DLG1: variants seen among roughly 807,000 people sequenced by gnomAD.
DLG1 encodes discs large MAGUK scaffold protein 1, also known as disks large homolog 1.
In DLG1, 42 loss-of-function variants were observed where a neutral mutation model predicts 123.4. That is an observed-to-expected ratio of 0.34 (90% CI 0.27 to 0.44). The LOEUF (loss-of-function observed/expected upper bound fraction) is 0.44. Ranked by LOEUF, DLG1 falls within the 20% of genes least tolerant of loss-of-function variation. The pLI, the probability that DLG1 is intolerant of heterozygous loss-of-function variation, is 1.00. For synonymous variants in DLG1, 317 were observed against 356.2 expected (o/e 0.89, Z 1.24); for missense variants, 942 against 1,082.6 (o/e 0.87, Z 1.82).
At position 197,127,476 on chromosome 3, in the gene DLG1, ATATATATATATATATATAT is replaced by A. The variant is rs1445121249; in HGVS notation, c.1165+3032_1165+3050del. 8.0e-4 allele frequency among the ~76,000 whole-genome samples: 92 copies of A among 114,832 alleles called. 4 individuals carry two copies. The highest frequency in any genetic ancestry group is 4.0e-3 in the Middle Eastern group (1 of 252). The allele number at this position is 114,832 out of a possible 152,430, so 75.3% of individuals were successfully genotyped here. A position where few individuals can be genotyped will look rare whatever the true frequency, so the allele number is the denominator to read the frequency against. On this transcript the variant is annotated intron_variant, in intron 11 of 24. Transcript: ENST00000667157. ...AAAAAAAATATATATATATATATAT[ATATATATATATATATATAT>A]AAAGTAAGAAACCTAAAAATACGTA...
chr3:197,292,735 T>C (rs566085435), intron 3 of DLG1, among the ~76,000 whole-genome samples: 24 of 152,362 alleles, frequency 1.6e-4, no homozygotes, highest in African/African-American at 5.8e-4. Context: ...TATTATTACA[T>C]AATCCACTTT....
intron 4 of DLG1, among the ~76,000 whole-genome samples, chr3:197,234,608 G>A (rs1744983554): frequency 6.6e-6 from 1 of 152,106 alleles, no homozygotes; most frequent in African/African-American, 2.4e-5. Context: ...CTAAAATTTT[G>A]CCTTTTAGCA....
At chr3:197,194,363 A>G in intron 5 of DLG1, 62 bp downstream of exon 5, 4 of 1,109,110 alleles carry the variant, frequency 3.6e-6, no homozygotes, top group Non-Finnish European at 4.8e-6. Context: ...TCCGAGCATG[A>G]GCTATATGTA....
intron 4 of DLG1, among the ~76,000 whole-genome samples, chr3:197,200,956 T>C (rs1725334914): frequency 6.6e-6 from 1 of 152,188 alleles, no homozygotes; most frequent in African/African-American, 2.4e-5. Flanking sequence ...ACCACTCTTA[T>C]TCAACGCGAT....
chr3:197,080,071 C>T (rs1749887302), intron 17 of DLG1, among the ~76,000 whole-genome samples: 1 of 151,396 alleles, frequency 6.6e-6, no homozygotes, highest in Non-Finnish European at 1.5e-5. Flanking sequence ...AGTTTGTTCT[C>T]CAGGCTTACT....
intron 5 of DLG1, among the ~76,000 whole-genome samples, chr3:197,164,739 T>TG (rs1434599764): frequency 1.5e-5 from 2 of 130,688 alleles, no homozygotes; most frequent in African/African-American, 6.0e-5. Context: ...CCGTCTCTAC[T>TG]AAAAAAAAAA....
At chr3:197,053,132 G>A (rs1729101094) in intron 23 of DLG1, among the ~76,000 whole-genome samples, 1 of 152,134 alleles carries the variant, frequency 6.6e-6, no homozygotes, top group Non-Finnish European at 1.5e-5. Flanking sequence ...GGTCATAAGT[G>A]GATAATTATT....
intron 13 of DLG1, among the ~76,000 whole-genome samples, chr3:197,109,928 G>C (rs1463045385): frequency 6.6e-6 from 1 of 152,096 alleles, no homozygotes. Context: ...TCAATATTCT[G>C]CCTTCGGCTT....
In DLG1 at chr3:197,085,579, C is replaced by T. The variant is rs1256523383; in HGVS notation, c.1838+1G>A. On this transcript the variant is annotated splice_donor_variant, in intron 16 of 24. Coordinates refer to ENST00000667157, the MANE Select transcript of DLG1 (RefSeq NM_001366207.1). LOFTEE classifies it high-confidence loss of function. ...ATTCAAGTGGTAAGAAACAGGCATA[C>T]CTGCGTTTACTGGGAATCACTCCGA... 1 of 1,613,778 alleles carries T rather than the reference C, an allele frequency of 6.2e-7. No individual in the cohort carries two copies. The highest frequency in any genetic ancestry group is 1.1e-5 in the South Asian group (1 of 91,064).
intron 5 of DLG1, among the ~76,000 whole-genome samples, chr3:197,170,074 C>T (rs1277198285): frequency 6.6e-6 from 1 of 152,156 alleles, no homozygotes; most frequent in Non-Finnish European, 1.5e-5. Flanking sequence ...ACCCATGTTT[C>T]TGCAAAGGAC....
chr3:197,136,898 TC>T (rs1164400701), intron 9 of DLG1, among the ~76,000 whole-genome samples: 1 of 152,220 alleles, frequency 6.6e-6, no homozygotes, highest in Non-Finnish European at 1.5e-5. Context: ...TCCCACATGT[TC>T]CTTCTTAGTA....
At chr3:197,282,218 A>G (rs184503651) in intron 4 of DLG1, among the ~76,000 whole-genome samples, 33 of 152,326 alleles carry the variant, frequency 2.2e-4, no homozygotes, top group African/African-American at 7.0e-4. Context: ...GTTCAGGTTT[A>G]CTCTTCAGTC....
chr3:197,269,279 T>C (rs1164199076), intron 4 of DLG1, among the ~76,000 whole-genome samples: 1 of 152,166 alleles, frequency 6.6e-6, no homozygotes, highest in Non-Finnish European at 1.5e-5. Context: ...CATGCTACAA[T>C]GTTATGACAG....
chr3:197,146,319 A>G (rs1342789199), intron 6 of DLG1, among the ~76,000 whole-genome samples: 1 of 152,200 alleles, frequency 6.6e-6, no homozygotes, highest in Non-Finnish European at 1.5e-5. Flanking sequence ...ATTCATATGG[A>G]ACCAAAAAAG....
chr3:197,085,258 T>G, intron 16 of DLG1: 1 of 262,530 alleles, frequency 3.8e-6, no homozygotes, highest in Non-Finnish European at 7.5e-6. Flanking sequence ...TTAACAAATT[T>G]CAAGTACAGT....
intron 4 of DLG1, among the ~76,000 whole-genome samples, chr3:197,274,063 T>A (rs947470310): frequency 2.0e-5 from 3 of 152,074 alleles, no homozygotes; most frequent in Non-Finnish European, 4.4e-5. Flanking sequence ...CAATCCCTAA[T>A]AAAATACCAG....
At chr3:197,218,948 A>G (rs965400474) in intron 4 of DLG1, among the ~76,000 whole-genome samples, 1 of 152,130 alleles carries the variant, frequency 6.6e-6, no homozygotes, top group Non-Finnish European at 1.5e-5. Context: ...CCTGACCAAC[A>G]TGGAGAAACC....
intron 4 of DLG1, among the ~76,000 whole-genome samples, chr3:197,197,157 T>C (rs1283716219): frequency 6.6e-6 from 1 of 152,172 alleles, no homozygotes; most frequent in African/African-American, 2.4e-5. Context: ...TGCAAAATCA[T>C]GGGGCCCTTC....
At chr3:197,209,472 T>C (rs1730247152) in intron 4 of DLG1, among the ~76,000 whole-genome samples, 1 of 146,664 alleles carries the variant, frequency 6.8e-6, no homozygotes, top group African/African-American at 2.4e-5. Context: ...TAGCAACTGA[T>C]AGAACTATAC....
Sources: allele counts gnomAD v4.1 joint callset (sites outside exome capture counted in the v4.1 genomes callset), GRCh38; gene constraint gnomAD v4.1.1; transcripts MANE v1.5; gene names NCBI Gene and HGNC (gene_info 2026-07-23, HGNC 2026-07-21).